LRRC37A2: variants seen among roughly 807,000 people sequenced by gnomAD.
The protein encoded by LRRC37A2 is leucine rich repeat containing 37 member A2.
In LRRC37A2, 9 loss-of-function variants were observed where a neutral mutation model predicts 68.8. That is an observed-to-expected ratio of 0.13 (90% CI 0.08 to 0.23). LRRC37A2 has a LOEUF of 0.23. Ranked by LOEUF, LRRC37A2 falls within the 10% of genes least tolerant of loss-of-function variation. LRRC37A2 has a pLI of 1.00. For missense variants in LRRC37A2, 168 were observed against 950.4 expected, an observed-to-expected ratio of 0.18 and a Z score of 10.82; for synonymous variants, 63 against 367.6, an observed-to-expected ratio of 0.17 and a Z score of 9.48.
the LRRC37A2 span, among the ~76,000 whole-genome samples, chr17:46,860,632 G>A: frequency 6.6e-6 from 1 of 152,280 alleles, no homozygotes; most frequent in African/African-American, 2.4e-5. Flanking sequence ...CTCTATATAA[G>A]GATTCCAAGA....
chr17:46,735,189 C>G, the LRRC37A2 span, among the ~76,000 whole-genome samples: 1 of 152,036 alleles, frequency 6.6e-6, no homozygotes, highest in Non-Finnish European at 1.5e-5. Flanking sequence ...GATATTAATA[C>G]CAGAATAAAT....
At chr17:46,500,701 C>G in the LRRC37A2 span, among the ~76,000 whole-genome samples, 1 of 150,960 alleles carries the variant, frequency 6.6e-6, no homozygotes, top group African/African-American at 2.5e-5. Flanking sequence ...TTGTTTTTTT[C>G]TTTTTTTTCC....
the LRRC37A2 span, among the ~76,000 whole-genome samples, chr17:46,933,847 C>T: frequency 6.6e-6 from 1 of 151,578 alleles, no homozygotes; most frequent in South Asian, 2.1e-4. Flanking sequence ...GCCTGTGGTC[C>T]CAACTACTCT....
the LRRC37A2 span, among the ~76,000 whole-genome samples, chr17:46,759,720 T>G: frequency 1.3e-5 from 2 of 152,288 alleles, no homozygotes; most frequent in Non-Finnish European, 2.9e-5. Flanking sequence ...CATGTTTCCT[T>G]GCTTTTCTTT....
chr17:46,894,121 C>T, the LRRC37A2 span, among the ~76,000 whole-genome samples: 18 of 152,342 alleles, frequency 1.2e-4, no homozygotes, highest in Admixed American at 3.9e-4. Context: ...TGAAACACCT[C>T]GAACATACAA....
the LRRC37A2 span, among the ~76,000 whole-genome samples, chr17:46,804,529 A>AT: frequency 6.6e-6 from 1 of 152,206 alleles, no homozygotes; most frequent in Non-Finnish European, 1.5e-5. Context: ...CAGAGAGCTG[A>AT]TGGCAGGCCC....
the LRRC37A2 span, among the ~76,000 whole-genome samples, chr17:46,890,557 T>C: frequency 6.6e-6 from 1 of 152,130 alleles, no homozygotes; most frequent in Non-Finnish European, 1.5e-5. Flanking sequence ...GTCACTCCAT[T>C]TGAGAATTCC....
the LRRC37A2 span, among the ~76,000 whole-genome samples, chr17:46,895,915 C>T: frequency 6.6e-6 from 1 of 152,028 alleles, no homozygotes; most frequent in East Asian, 1.9e-4. Flanking sequence ...GGGGTGGGAG[C>T]CTGGTGCTGG....
chr17:46,772,754 T>G, the LRRC37A2 span, among the ~76,000 whole-genome samples: 1 of 152,130 alleles, frequency 6.6e-6, no homozygotes, highest in East Asian at 1.9e-4. Context: ...AAATGGGGGT[T>G]GTCAGCTTCC....
chr17:46,990,886 A>T, the LRRC37A2 span, among the ~76,000 whole-genome samples: 3 of 152,012 alleles, frequency 2.0e-5, 1 homozygote, highest in South Asian at 6.2e-4. Context: ...GTCCAGGCTG[A>T]TCTTGAACTC....
the LRRC37A2 span, among the ~76,000 whole-genome samples, chr17:46,867,276 G>A: frequency 6.6e-6 from 1 of 152,234 alleles, no homozygotes; most frequent in East Asian, 1.9e-4. Flanking sequence ...GGAGCTTACT[G>A]TGTGCTCACT....
the LRRC37A2 span, chr17:46,721,637 T>C: frequency 6.0e-4 from 964 of 1,593,600 alleles, no homozygotes; most frequent in Non-Finnish European, 7.4e-4. Context: ...GAGCTTCTTA[T>C]AGACACCAGA....
chr17:46,532,868 C>T lies in LRRC37A2; in HGVS notation c.2907-7308C>T, dbSNP rs561106069. Among the ~76,000 whole-genome samples the T allele has an allele frequency of 1.3e-4, 19 of 149,188 alleles. 2 individuals are homozygous for T. The highest frequency in any genetic ancestry group is 4.2e-4 in the South Asian group (2 of 4,736). On this transcript the variant is annotated intron_variant, in intron 6 of 14. Coordinates refer to ENST00000576629, the Ensembl canonical transcript of LRRC37A2. ...GTCATCCTAGCACTTTGGGAGGCTG[C>T]GGTGGGAGGATTGCTTGACCCCAGG...
the LRRC37A2 span, among the ~76,000 whole-genome samples, chr17:46,849,848 TC>T: frequency 7.2e-6 from 1 of 137,960 alleles, no homozygotes; most frequent in Non-Finnish European, 1.5e-5. Flanking sequence ...GCATTTAATA[TC>T]TTTTTTTTTT....
the LRRC37A2 span, among the ~76,000 whole-genome samples, chr17:46,461,363 A>G: frequency 9.2e-6 from 1 of 109,056 alleles, no homozygotes; most frequent in African/African-American, 3.2e-5. Flanking sequence ...TTCCATTTAT[A>G]GAGAGCTTAC....
At chr17:46,981,063 T>C in the LRRC37A2 span, among the ~76,000 whole-genome samples, 1 of 152,154 alleles carries the variant, frequency 6.6e-6, no homozygotes, top group Non-Finnish European at 1.5e-5. Context: ...CTTTGATTGT[T>C]GCAGGAGAGT....
At chr17:46,905,289 T>C in the LRRC37A2 span, among the ~76,000 whole-genome samples, 3 of 152,130 alleles carry the variant, frequency 2.0e-5, no homozygotes, top group African/African-American at 7.2e-5. Flanking sequence ...TTGGCCAGGC[T>C]GGTCTCGAAC....
chr17:46,875,056 C>T, the LRRC37A2 span: 1 of 1,613,160 alleles, frequency 6.2e-7, no homozygotes, highest in Non-Finnish European at 8.5e-7. Flanking sequence ...CCTTTCCTCT[C>T]TTCCCCCTTT....
chr17:46,952,038 GA>G, the LRRC37A2 span, among the ~76,000 whole-genome samples: 3 of 152,196 alleles, frequency 2.0e-5, no homozygotes, highest in South Asian at 6.2e-4. Flanking sequence ...GCATCAGGGA[GA>G]GGGGGAGATT....
Sources: gnomAD v4.1 joint callset for allele counts (sites outside exome capture counted in the v4.1 genomes callset) on GRCh38, gnomAD v4.1.1 for gene constraint, MANE v1.5 for transcripts, NCBI Gene and HGNC (gene_info 2026-07-23, HGNC 2026-07-21) for gene names.